Variants in SPRED1 observed in about 807,000 individuals in gnomAD.
SPRED1 encodes the protein sprouty related EVH1 domain containing 1, also known as sprouty-related, EVH1 domain-containing protein 1.
SPRED1 carries 18 observed loss-of-function variants against 52.3 expected under a neutral mutation model. The observed-to-expected ratio is 0.34, with a 90% CI of 0.24 to 0.51. SPRED1 has a LOEUF of 0.51. Among genes scored for constraint, SPRED1 ranks in the 20% least tolerant of loss-of-function variants. SPRED1 has a pLI of 0.97. For missense variants in SPRED1, 485 were observed against 551.0 expected (o/e 0.88, Z 1.20); for synonymous variants, 155 against 179.7 (o/e 0.86, Z 1.10).
chr15:38,299,651 A>G (rs1895114439), intron 2 of SPRED1, 104 bp downstream of exon 2: 4 of 1,175,028 alleles, frequency 3.4e-6, no homozygotes, highest in Non-Finnish European at 4.9e-6. Flanking sequence ...TGAATCAGTA[A>G]TTATGTTTCT....
intron 1 of SPRED1, among the ~76,000 whole-genome samples, chr15:38,292,564 CAA>C (rs1166388994): frequency 1.3e-5 from 2 of 152,042 alleles, no homozygotes; most frequent in African/African-American, 2.4e-5. Flanking sequence ...ATGATGGCAA[CAA>C]GAGAAAAATG....
chr15:38,307,435 A>G (rs1008521632), intron 2 of SPRED1, among the ~76,000 whole-genome samples: 6 of 152,264 alleles, frequency 3.9e-5, no homozygotes, highest in Admixed American at 6.5e-5. Context: ...CACTTTCTCA[A>G]GATGTCCTCA....
chr15:38,313,007 C>T (rs11636984), intron 2 of SPRED1, among the ~76,000 whole-genome samples: 6,588 of 151,898 alleles, frequency 0.043, 304 homozygotes, highest in East Asian at 0.27. Flanking sequence ...ATCATTTTCT[C>T]CCTCTCCCAC....
chr15:38,313,722 A>G (rs903299412), intron 2 of SPRED1, among the ~76,000 whole-genome samples: 2 of 151,672 alleles, frequency 1.3e-5, no homozygotes, highest in African/African-American at 2.4e-5. Flanking sequence ...ATATTTTTAA[A>G]TGAATTCATA....
intron 1 of SPRED1, among the ~76,000 whole-genome samples, chr15:38,264,191 T>TA (rs2140951516): frequency 6.6e-6 from 1 of 152,310 alleles, no homozygotes; most frequent in East Asian, 1.9e-4. Flanking sequence ...ATCCATAGTT[T>TA]ACAGATGAGA....
At chr15:38,342,655 T>G (rs1041046802) in intron 5 of SPRED1, among the ~76,000 whole-genome samples, 2 of 152,126 alleles carry the variant, frequency 1.3e-5, no homozygotes, top group Non-Finnish European at 2.9e-5. Context: ...TTTCATCAAT[T>G]TAAAAGATGT....
chr15:38,278,012 C>CAATGGT (rs1445105373), intron 1 of SPRED1, among the ~76,000 whole-genome samples: 1 of 150,522 alleles, frequency 6.6e-6, no homozygotes, highest in Non-Finnish European at 1.5e-5. Flanking sequence ...GTATTAATGG[C>CAATGGT]AAGTAATATA....
At chr15:38,256,204 A>C (rs989358060) in intron 1 of SPRED1, among the ~76,000 whole-genome samples, 2 of 152,176 alleles carry the variant, frequency 1.3e-5, no homozygotes, top group Non-Finnish European at 2.9e-5. Context: ...TTTCAAAAAT[A>C]GTAAACATAC....
intron 1 of SPRED1, among the ~76,000 whole-genome samples, chr15:38,270,127 G>A (rs558989480): frequency 6.6e-6 from 1 of 152,052 alleles, no homozygotes; most frequent in South Asian, 2.1e-4. Context: ...ACGCTGTCAT[G>A]AACTCCCGAC....
At chr15:38,274,099 T>A (rs1237790970) in intron 1 of SPRED1, among the ~76,000 whole-genome samples, 11 of 152,204 alleles carry the variant, frequency 7.2e-5, no homozygotes, top group Admixed American at 2.0e-4. Flanking sequence ...ATTCAGAAAA[T>A]TCTTATGCTT....
Position 38,339,816 on chromosome 15 carries a change from A to C in SPRED1, c.503A>C (p.Tyr168Ser). ...QQETVVTSEP[Y>S]RSSNIRPSPF... is the part of the protein sequence containing the mutation. ...GAGACAGTTGTTACCAGTGAGCCTT[A>C]TAGAAGCTCAAATATAAGACCTTCT... The change falls in exon 5 of 7, where the codon TAT becomes TCT. Residue 168 changes from tyrosine (Y) to serine (S), a missense_variant. Coordinates refer to ENST00000299084, the MANE Select transcript of SPRED1 (RefSeq NM_152594.3). 6.2e-7 allele frequency: 1 copy of C among 1,613,964 alleles called. No individual in the cohort carries two copies.
intron 1 of SPRED1, among the ~76,000 whole-genome samples, chr15:38,257,798 A>G (rs1262751642): frequency 6.6e-6 from 1 of 152,248 alleles, no homozygotes; most frequent in Admixed American, 6.5e-5. Context: ...CTAGGGATAA[A>G]GAAGTGAAAT....
In SPRED1 at chr15:38,272,276, G is replaced by GTTTTTTTTTTTTTTTTTTTTTTTTTTT; in HGVS notation, c.32+19069_32+19070insTTTTTTTTTTTTTTTTTTTTTTTTTTT. Among the ~76,000 whole-genome samples the GTTTTTTTTTTTTTTTTTTTTTTTTTTT allele has an allele frequency of 1.5e-5, 2 of 131,426 alleles. 1 individual carries two copies. The highest frequency in any genetic ancestry group is 3.2e-5 in the Non-Finnish European group (2 of 63,006). The allele number at this position is 131,426 out of a possible 152,430, so 86.2% of individuals were successfully genotyped here. A position where few individuals can be genotyped will look rare whatever the true frequency, so the allele number is the denominator to read the frequency against. ...TGAGATTGTAGGGGTCGAATGCTAG[G>GTTTTTTTTTTTTTTTTTTTTTTTTTTT]TTTTTTTTTTGAGATGAAGTCTTGC... On this transcript the variant is annotated intron_variant, in intron 1 of 6. Coordinates refer to ENST00000299084, the MANE Select transcript of SPRED1 (RefSeq NM_152594.3).
At chr15:38,348,985 C>G (rs1179723536) in intron 5 of SPRED1, among the ~76,000 whole-genome samples, 1 of 152,018 alleles carries the variant, frequency 6.6e-6, no homozygotes, top group Admixed American at 6.6e-5. Context: ...GTGCAGCCAT[C>G]AGCAGTATCA....
At chr15:38,256,434 T>G (rs1452030683) in intron 1 of SPRED1, among the ~76,000 whole-genome samples, 1 of 152,154 alleles carries the variant, frequency 6.6e-6, no homozygotes, top group Non-Finnish European at 1.5e-5. Context: ...TCCTTTGGTA[T>G]TGAGTGTATA....
chr15:38,294,451 T>G (rs1384446734), intron 1 of SPRED1, among the ~76,000 whole-genome samples: 2 of 152,180 alleles, frequency 1.3e-5, no homozygotes, highest in African/African-American at 4.8e-5. Flanking sequence ...ACGTGTTTCC[T>G]CCTTTGTAGT....
intron 1 of SPRED1, among the ~76,000 whole-genome samples, chr15:38,298,169 T>C (rs1270246120): frequency 6.6e-6 from 1 of 152,174 alleles, no homozygotes; most frequent in Non-Finnish European, 1.5e-5. Context: ...GATACCACTA[T>C]ATACTCAATA....
chr15:38,342,258 A>T (rs1469129547), intron 5 of SPRED1, among the ~76,000 whole-genome samples: 1 of 151,802 alleles, frequency 6.6e-6, no homozygotes, highest in African/African-American at 2.4e-5. Flanking sequence ...TTTAGTGGTT[A>T]TCCTAGAGAT....
chr15:38,350,112 A>G (rs1243961002), intron 6 of SPRED1, among the ~76,000 whole-genome samples: 1 of 152,194 alleles, frequency 6.6e-6, no homozygotes, highest in Admixed American at 6.5e-5. Flanking sequence ...TTAATTTGCT[A>G]GGACTCCCAC....
Sources: allele counts gnomAD v4.1 joint callset (sites outside exome capture counted in the v4.1 genomes callset), GRCh38; gene constraint gnomAD v4.1.1; transcripts MANE v1.5; gene names NCBI Gene and HGNC (gene_info 2026-07-23, HGNC 2026-07-21).